HMGCLL1: variants seen among roughly 807,000 people sequenced by gnomAD.
The protein encoded by HMGCLL1 is 3-hydroxymethyl-3-methylglutaryl-CoA lyase, cytoplasmic.
A neutral mutation model predicts 39.1 loss-of-function variants in HMGCLL1; 36 were observed. That is an observed-to-expected ratio of 0.92 (90% CI 0.71 to 1.22). HMGCLL1 has a LOEUF of 1.22. HMGCLL1 is among the 50% of genes most tolerant of loss of function. HMGCLL1 has a pLI of 0.00. For synonymous variants in HMGCLL1, 149 were observed against 144.0 expected (o/e 1.03, Z -0.25); for missense variants, 451 against 416.5 (o/e 1.08, Z -0.72).
chr6:55,606,016 ATGAAT>A, the HMGCLL1 span, among the ~76,000 whole-genome samples: 2 of 152,266 alleles, frequency 1.3e-5, no homozygotes, highest in African/African-American at 4.8e-5. Flanking sequence ...TTCCTATTTG[ATGAAT>A]TGAAGAGGTT....
intron 3 of HMGCLL1, among the ~76,000 whole-genome samples, chr6:55,524,300 T>C (rs1270637849): frequency 6.6e-6 from 1 of 150,584 alleles, no homozygotes; most frequent in Non-Finnish European, 1.5e-5. Context: ...TAACCTCAGA[T>C]GCTCACTTAA....
intron 7 of HMGCLL1, among the ~76,000 whole-genome samples, chr6:55,480,624 A>G (rs1027851838): frequency 2.0e-5 from 3 of 151,734 alleles, no homozygotes; most frequent in African/African-American, 2.4e-5. Flanking sequence ...TAGCAATCCC[A>G]CTGCTATGTG....
At chr6:55,608,233 A>G in the HMGCLL1 span, among the ~76,000 whole-genome samples, 1 of 152,162 alleles carries the variant, frequency 6.6e-6, no homozygotes, top group Non-Finnish European at 1.5e-5. Flanking sequence ...GTGTCCTTTA[A>G]TATGTACTCC....
the HMGCLL1 span, among the ~76,000 whole-genome samples, chr6:55,586,762 T>A: frequency 1.7e-4 from 26 of 152,164 alleles, no homozygotes; most frequent in African/African-American, 3.6e-4. Flanking sequence ...TCTATGGTGG[T>A]GTATATGTGC....
chr6:55,458,277 G>A (rs143561446), intron 7 of HMGCLL1, among the ~76,000 whole-genome samples: 1 of 152,206 alleles, frequency 6.6e-6, no homozygotes, highest in Non-Finnish European at 1.5e-5. Flanking sequence ...TACAGTAGTA[G>A]AAAATAAAGC....
At chr6:55,652,048 C>A in the HMGCLL1 span, among the ~76,000 whole-genome samples, 1 of 151,996 alleles carries the variant, frequency 6.6e-6, no homozygotes, top group Non-Finnish European at 1.5e-5. Flanking sequence ...GTTAAAACCA[C>A]GTACTGTGAT....
chr6:55,514,303 T>C (rs1767622834), intron 4 of HMGCLL1, 107 bp from the exon 5 acceptor site: 2 of 752,474 alleles, frequency 2.7e-6, no homozygotes, highest in Non-Finnish European at 4.1e-6. Context: ...TATTCTTTAA[T>C]ATTTGCCTTA....
intron 7 of HMGCLL1, among the ~76,000 whole-genome samples, chr6:55,457,465 A>G (rs956317395): frequency 6.6e-6 from 1 of 152,164 alleles, no homozygotes; most frequent in Non-Finnish European, 1.5e-5. Context: ...TACTGGAGAC[A>G]CTGTCCATTT....
At chr6:55,529,992 T>C (rs1768556475) in intron 3 of HMGCLL1, among the ~76,000 whole-genome samples, 1 of 140,386 alleles carries the variant, frequency 7.1e-6, no homozygotes, top group African/African-American at 2.7e-5. Context: ...TGTATTGCTC[T>C]ACCAGAAAGC....
At chr6:55,467,337 A>G (rs1044479210) in intron 7 of HMGCLL1, among the ~76,000 whole-genome samples, 11 of 152,034 alleles carry the variant, frequency 7.2e-5, no homozygotes, top group Non-Finnish European at 5.9e-5. Context: ...TTTTTTGCAA[A>G]TGTTTAAACC....
the HMGCLL1 span, among the ~76,000 whole-genome samples, chr6:55,591,040 C>A: frequency 6.6e-6 from 1 of 151,916 alleles, no homozygotes; most frequent in Non-Finnish European, 1.5e-5. Flanking sequence ...TCTTTTTCAT[C>A]TCATGATTTT....
At chr6:55,543,229 A>G (rs866579433) in intron 1 of HMGCLL1, among the ~76,000 whole-genome samples, 1 of 11,912 alleles carries the variant, frequency 8.4e-5, no homozygotes, top group African/African-American at 2.0e-4. Context: ...ATAATATATA[A>G]TATAGATATA....
chr6:55,506,470 G>A (rs12193408), intron 5 of HMGCLL1, among the ~76,000 whole-genome samples: 42,274 of 151,474 alleles, frequency 0.28, 7,307 homozygotes, highest in Non-Finnish European at 0.37. Context: ...ACTTTCTGCA[G>A]TCTTAGTTAC....
At chr6:55,529,957 T>A (rs1404413064) in intron 3 of HMGCLL1, among the ~76,000 whole-genome samples, 1 of 150,946 alleles carries the variant, frequency 6.6e-6, no homozygotes, top group African/African-American at 2.4e-5. Flanking sequence ...ATATCATACA[T>A]GAGTAAGAGT....
At chr6:55,483,292 A>G (rs929150692) in intron 7 of HMGCLL1, among the ~76,000 whole-genome samples, 1 of 152,168 alleles carries the variant, frequency 6.6e-6, no homozygotes, top group Non-Finnish European at 1.5e-5. Flanking sequence ...TTTGAGATGG[A>G]GTCACACTCT....
intron 7 of HMGCLL1, among the ~76,000 whole-genome samples, chr6:55,477,407 A>AAATATAATATATATTATAT (rs1385319890): frequency 3.8e-5 from 1 of 26,124 alleles, no homozygotes; most frequent in Non-Finnish European, 5.4e-5. Flanking sequence ...TATATTATCT[A>AAATATAATATATATTATAT]AATATATATT....
chr6:55,513,704 A>G, intron 5 of HMGCLL1: 1 of 271,296 alleles, frequency 3.7e-6, no homozygotes, highest in East Asian at 6.7e-5. Context: ...ATTCTTTTCC[A>G]AAAGCTGTTG....
At chr6:55,515,367 T>C (rs908669493) in intron 4 of HMGCLL1, among the ~76,000 whole-genome samples, 1 of 152,136 alleles carries the variant, frequency 6.6e-6, no homozygotes, top group Admixed American at 6.6e-5. Flanking sequence ...AAATTTTCAA[T>C]TTCTAAAATA....
the HMGCLL1 span, among the ~76,000 whole-genome samples, chr6:55,586,141 T>C: frequency 5.3e-5 from 8 of 152,216 alleles, no homozygotes; most frequent in East Asian, 1.4e-3. Context: ...AAATATAATG[T>C]TGCTTAACTA....
Sources: allele counts gnomAD v4.1 joint callset (sites outside exome capture counted in the v4.1 genomes callset), GRCh38; gene constraint gnomAD v4.1.1; transcripts MANE v1.5; gene names NCBI Gene and HGNC (gene_info 2026-07-23, HGNC 2026-07-21).